The following STN1 variants were observed in gnomAD, a reference collection of about 807,000 sequenced individuals.
STN1 encodes the protein CST complex subunit STN1.
Under a neutral mutation model 45.5 loss-of-function variants are expected in STN1, and 29 were observed. The observed-to-expected ratio is 0.64, with a 90% CI of 0.47 to 0.87. The LOEUF is 0.87. Among genes scored for constraint, STN1 ranks in the 40% least tolerant of loss-of-function variants. The probability of loss-of-function intolerance (pLI) is 0.00; values close to 1 mark genes in which losing one functional copy is unlikely to be tolerated. For missense variants in STN1, 376 were observed against 441.4 expected, an observed-to-expected ratio of 0.85 and a Z score of 1.33; for synonymous variants, 148 against 159.0, an observed-to-expected ratio of 0.93 and a Z score of 0.52.
chr10:103,915,055 T>C (rs1278953545), intron 2 of STN1, among the ~76,000 whole-genome samples: 1 of 152,190 alleles, frequency 6.6e-6, no homozygotes, highest in African/African-American at 2.4e-5. Flanking sequence ...GTTTTATCCA[T>C]GAAGGATCCA....
chr10:103,900,608 C>T (rs1162288632), intron 4 of STN1, among the ~76,000 whole-genome samples: 2 of 152,072 alleles, frequency 1.3e-5, no homozygotes, highest in Non-Finnish European at 2.9e-5. Context: ...TTTCAAATGT[C>T]CTTGCGAGGA....
chr10:103,881,740 T>C lies in STN1; in HGVS notation c.*944A>G, dbSNP rs1371046072. Among the ~76,000 whole-genome samples, 1 of 152,250 alleles carries C rather than the reference T, an allele frequency of 6.6e-6. No individual in the cohort carries two copies. The highest frequency in any genetic ancestry group is 1.5e-5 in the Non-Finnish European group (1 of 68,044). Reference sequence around the variant, plus strand: ...ATCTTTCTCCACACTTTATTTTTGCTGGCTGGATTTGTCATTTTGCTGTCA... The same window carrying C: ...ATCTTTCTCCACACTTTATTTTTGCCGGCTGGATTTGTCATTTTGCTGTCA... On this transcript the variant is annotated 3_prime_UTR_variant, in exon 10 of 10. Coordinates refer to ENST00000224950, the MANE Select transcript of STN1 (RefSeq NM_024928.5).
At chr10:103,916,634 G>T (rs1344956836) in intron 2 of STN1, among the ~76,000 whole-genome samples, 2 of 152,138 alleles carry the variant, frequency 1.3e-5, no homozygotes, top group Admixed American at 6.5e-5. Context: ...ACTCAAAATA[G>T]CAAAGAAAGT....
chr10:103,913,423 C>A (rs1448809611), intron 2 of STN1, among the ~76,000 whole-genome samples: 6 of 151,064 alleles, frequency 4.0e-5, no homozygotes, highest in African/African-American at 1.5e-4. Context: ...GAAGATGCAA[C>A]AAAACCCTTC....
At chr10:103,887,406 A>C (rs1166415285) in intron 9 of STN1, among the ~76,000 whole-genome samples, 2 of 152,184 alleles carry the variant, frequency 1.3e-5, no homozygotes, top group Admixed American at 1.3e-4. Flanking sequence ...AACTAATAAC[A>C]ACCACTGCCT....
intron 9 of STN1, among the ~76,000 whole-genome samples, chr10:103,885,833 T>C (rs1005283570): frequency 6.6e-6 from 1 of 152,190 alleles, no homozygotes; most frequent in African/African-American, 2.4e-5. Flanking sequence ...TTCTGAAAAG[T>C]GTTTGCCTGG....
intron 2 of STN1, 127 bp from the exon 3 acceptor site, chr10:103,910,749 T>G: frequency 3.5e-6 from 2 of 575,238 alleles, no homozygotes; most frequent in South Asian, 4.1e-5. Context: ...AATTCTAGAC[T>G]TAAGAATCAG....
intron 6 of STN1, among the ~76,000 whole-genome samples, chr10:103,898,550 T>G (rs1564633223): frequency 6.6e-6 from 1 of 152,210 alleles, no homozygotes; most frequent in Non-Finnish European, 1.5e-5. Context: ...TCTGTGAGTT[T>G]AAAGTTTTTA....
intron 3 of STN1, among the ~76,000 whole-genome samples, chr10:103,906,939 G>A (rs895609265): frequency 4.6e-5 from 7 of 152,228 alleles, no homozygotes; most frequent in Admixed American, 4.6e-4. Context: ...AAATCTTAAT[G>A]AGCAAGTTTG....
chr10:103,910,779 C>G (rs554722300), intron 2 of STN1, among the ~76,000 whole-genome samples, 157 bp from the exon 3 acceptor site: 1 of 152,244 alleles, frequency 6.6e-6, no homozygotes, highest in East Asian at 1.9e-4. Flanking sequence ...AATGACAACG[C>G]CCCAAGAAAT....
chr10:103,899,202 T>A (rs930627947), intron 5 of STN1, among the ~76,000 whole-genome samples: 3 of 152,092 alleles, frequency 2.0e-5, no homozygotes, highest in Non-Finnish European at 2.9e-5. Flanking sequence ...ATGCCCTAAG[T>A]GTCATGGGCT....
intron 3 of STN1, among the ~76,000 whole-genome samples, chr10:103,906,877 C>A (rs940584040): frequency 3.3e-5 from 5 of 152,128 alleles, no homozygotes; most frequent in South Asian, 2.1e-4. Context: ...AATACTGATA[C>A]CCTCATATGT....
rs760030562 is a variant in STN1 at position 103,878,261 on chromosome 10, G to C, written c.*4423C>G. The C allele has an allele frequency of 1.3e-5, 2 of 152,240 alleles. No individual in the cohort carries two copies. Among genetic ancestry groups the C allele is most frequent in the Non-Finnish European group, 2.9e-5 (2 of 68,044 alleles). 9.4% of individuals were successfully genotyped at this position (152,240 alleles called of 1,614,324 possible). A position where few individuals can be genotyped will look rare whatever the true frequency, so the allele number is the denominator to read the frequency against. Reference sequence around the variant, plus strand: ...AAACATGTGCACACTAAGAGAACTGGAGAATGTTTGCTCAGTTTCCCTCCT... The same window carrying C: ...AAACATGTGCACACTAAGAGAACTGCAGAATGTTTGCTCAGTTTCCCTCCT... On this transcript the variant is annotated 3_prime_UTR_variant, in exon 10 of 10. Coordinates refer to ENST00000224950, the MANE Select transcript of STN1 (RefSeq NM_024928.5).
chr10:103,908,888 A>ATT (rs35148368), intron 3 of STN1, among the ~76,000 whole-genome samples: 35 of 148,690 alleles, frequency 2.4e-4, no homozygotes, highest in African/African-American at 7.2e-4. Context: ...AATGCAGTTA[A>ATT]TTTTTTTTTT....
At chr10:103,896,872 T>C (rs1418192704) in intron 7 of STN1, among the ~76,000 whole-genome samples, 1 of 151,966 alleles carries the variant, frequency 6.6e-6, no homozygotes, top group Non-Finnish European at 1.5e-5. Flanking sequence ...AATATTTGAG[T>C]AGAAAAAAAT....
At chr10:103,891,049 C>A (rs756139689) in intron 8 of STN1, among the ~76,000 whole-genome samples, 22 of 152,220 alleles carry the variant, frequency 1.4e-4, no homozygotes, top group Non-Finnish European at 1.0e-4. Context: ...TCAACTGGTA[C>A]AGCCTTCAGG....
In STN1 at chr10:103,879,834, G is replaced by A. The variant is rs1287382545; in HGVS notation, c.*2850C>T. 2 of 152,486 alleles carry A rather than the reference G, an allele frequency of 1.3e-5. No individual in the cohort carries two copies. The highest frequency in any genetic ancestry group is 4.8e-5 in the African/African-American group (2 of 41,476). 9.4% of individuals were successfully genotyped at this position (152,486 alleles called of 1,614,324 possible). On this transcript the variant is annotated 3_prime_UTR_variant, in exon 10 of 10. Transcript: ENST00000224950. ...GGTAGAGCCAAAAGACTTGCAGACA[G>A]ATTGGATGTGAGGTATGATAGAAAG...
Position 103,898,860 on chromosome 10 carries a change from G to C in STN1, c.581+17C>G, listed in dbSNP as rs747622285. On this transcript the variant is annotated intron_variant, in intron 6 of 9. Transcript: ENST00000224950. ...CTGCCGTGGTCACGTGCTCAGCAGT[G>C]ATAAGTCACCACTTACCTTAGTGCC... 6.2e-7 allele frequency: 1 copy of C among 1,613,348 alleles called. No individual in the cohort carries two copies.
At chr10:103,909,398 G>GGTA (rs1843267830) in intron 3 of STN1, among the ~76,000 whole-genome samples, 1 of 63,452 alleles carries the variant, frequency 1.6e-5, no homozygotes, top group Non-Finnish European at 3.4e-5. Flanking sequence ...ATGTATATAT[G>GGTA]TATATATATG....
Sources: allele counts gnomAD v4.1 joint callset (sites outside exome capture counted in the v4.1 genomes callset), GRCh38; gene constraint gnomAD v4.1.1; transcripts MANE v1.5; gene names NCBI Gene and HGNC (gene_info 2026-07-23, HGNC 2026-07-21).